The following CDC16 variants were observed in gnomAD, a reference collection of about 807,000 sequenced individuals.
CDC16 encodes the protein cell division cycle protein 16 homolog.
Under a neutral mutation model 87.0 loss-of-function variants are expected in CDC16, and 34 were observed. That is an observed-to-expected ratio of 0.39 (90% CI 0.30 to 0.52). The LOEUF is 0.52. Ranked by LOEUF, CDC16 falls within the 20% of genes least tolerant of loss-of-function variation. The pLI is 0.74. For missense variants in CDC16, 653 were observed against 751.9 expected (o/e 0.87, Z 1.54); for synonymous variants, 263 against 260.6 (o/e 1.01, Z -0.09).
intron 11 of CDC16, chr13:114,247,218 C>T: frequency 1.8e-6 from 1 of 545,314 alleles, no homozygotes; most frequent in Non-Finnish European, 3.3e-6. Context: ...CACTCTGTTG[C>T]CCAGACTAGA....
chr13:114,269,708 T>TTTATTA (rs202105746), intron 17 of CDC16, among the ~76,000 whole-genome samples: 3,703 of 152,236 alleles, frequency 0.024, 154 homozygotes, highest in African/African-American at 0.085. Flanking sequence ...TTTTTTATTT[T>TTTATTA]TTATTATTTT....
chr13:114,272,350 A>G lies in CDC16; in HGVS notation c.1770A>G (p.Pro590=). Residue 590 remains proline, a synonymous_variant, in exon 18 of 18, where the codon CCA becomes CCG. Transcript: ENST00000356221. ...LTPLETSRKT[P]DSRPSLEETF... is the part of the protein sequence containing the mutation. The stretch of plus-strand genomic sequence containing the variant: ...CATTGGAAACCTCAAGGAAAACTCC[A>G]GATTCCAGACCTTCCTTGGAAGAAA... The G allele has an allele frequency of 1.6e-5, 26 of 1,614,066 alleles. No individual in the cohort carries two copies. Among genetic ancestry groups the G allele is most frequent in the East Asian group, 2.2e-5 (1 of 44,890 alleles).
At chr13:114,254,060 CTA>C (rs1413805631) in intron 12 of CDC16, among the ~76,000 whole-genome samples, 1 of 152,100 alleles carries the variant, frequency 6.6e-6, no homozygotes, top group African/African-American at 2.4e-5. Flanking sequence ...CTAATTATCT[CTA>C]ATAATACTTT....
rs564311320 is a variant in CDC16 at position 114,272,677 on chromosome 13, G to A, written c.*234G>A. On this transcript the variant is annotated 3_prime_UTR_variant, in exon 18 of 18. Transcript: ENST00000356221. ...GTGGAATAAAGAAGGTAAACCATCTGTTATGTCTTTTTTTTTCTTTTCCAA... is the reference window on the plus strand; with the variant it reads ...GTGGAATAAAGAAGGTAAACCATCTATTATGTCTTTTTTTTTCTTTTCCAA... 2 of 381,830 alleles carry A rather than the reference G, an allele frequency of 5.2e-6. No individual in the cohort carries two copies. Among genetic ancestry groups the A allele is most frequent in the South Asian group, 8.3e-5 (1 of 12,112 alleles). 23.7% of individuals were successfully genotyped at this position (381,830 alleles called of 1,614,324 possible). A position where few individuals can be genotyped will look rare whatever the true frequency, so the allele number is the denominator to read the frequency against.
chr13:114,262,908 G>A lies in CDC16; in HGVS notation c.1406G>A (p.Arg469His), dbSNP rs771147903. 6 of 1,613,948 alleles carry A rather than the reference G, an allele frequency of 3.7e-6. No homozygotes were observed. The highest frequency in any genetic ancestry group is 1.3e-5 in the African/African-American group (1 of 74,916). The change falls in exon 16 of 18, where the codon CGT (arginine) becomes CAT (histidine). Residue 469 changes from arginine (R) to histidine (H), a missense_variant. Transcript: ENST00000356221. ...KKYAEALDYH[R>H]QALVLIPQNA... ...TATGCTGAGGCCTTGGATTACCACC[G>A]TCAGGCACTGGTGTTGATTCCTCAG...
At chr13:114,239,143 A>G (rs2138864626) in intron 4 of CDC16, 115 bp downstream of exon 4, 2 of 1,480,234 alleles carry the variant, frequency 1.4e-6, no homozygotes, top group East Asian at 2.3e-5. Flanking sequence ...AAAGTATTTC[A>G]TGAGGAAGTG....
intron 11 of CDC16, 41 bp from the exon 12 acceptor site, chr13:114,250,508 G>C: frequency 7.9e-7 from 1 of 1,267,134 alleles, no homozygotes; most frequent in East Asian, 2.8e-5. Context: ...AAAAAAAAAA[G>C]AATAAATACT....
intron 12 of CDC16, among the ~76,000 whole-genome samples, chr13:114,253,436 C>G (rs149182518): frequency 1.7e-4 from 26 of 152,062 alleles, no homozygotes; most frequent in Non-Finnish European, 2.9e-4. Context: ...CACCTGTAAT[C>G]CCAGCACTTT....
intron 1 of CDC16, among the ~76,000 whole-genome samples, chr13:114,236,144 C>T (rs1028030185): frequency 1.3e-5 from 2 of 152,168 alleles, no homozygotes; most frequent in Non-Finnish European, 2.9e-5. Flanking sequence ...GAGGTGAGTT[C>T]TTCCCCATGT....
At chr13:114,241,725 T>C (rs191814099) in intron 5 of CDC16, among the ~76,000 whole-genome samples, 1 of 152,338 alleles carries the variant, frequency 6.6e-6, no homozygotes, top group East Asian at 1.9e-4. Context: ...TAAAAACTTC[T>C]CAGCATTCAA....
intron 4 of CDC16, 54 bp downstream of exon 4, chr13:114,239,082 CATCTCTTAAATATGTGTGA>C (rs1407456596): frequency 1.3e-4 from 119 of 912,406 alleles, no homozygotes; most frequent in African/African-American, 1.7e-4. Context: ...GAGTGTTATG[CATCTCTTAAATATGTGTGA>C]GAATTTTAGT....
intron 5 of CDC16, among the ~76,000 whole-genome samples, chr13:114,241,575 G>A (rs1216537027): frequency 6.6e-6 from 1 of 152,236 alleles, no homozygotes; most frequent in Non-Finnish European, 1.5e-5. Context: ...GCCGTGACAT[G>A]TACTTTTGTT....
At chr13:114,265,262 T>A in intron 17 of CDC16, 22 bp downstream of exon 17, 1 of 1,453,634 alleles carries the variant, frequency 6.9e-7, no homozygotes, top group Non-Finnish European at 9.7e-7. Context: ...GTTATTCTTA[T>A]TGGTATTGTA....
chr13:114,268,765 A>G (rs1412724573), intron 17 of CDC16, among the ~76,000 whole-genome samples: 2 of 152,212 alleles, frequency 1.3e-5, no homozygotes, highest in Admixed American at 6.5e-5. Flanking sequence ...AGCTGCAGCG[A>G]TCACGCCACT....
At chr13:114,253,414 C>T (rs983832254) in intron 12 of CDC16, among the ~76,000 whole-genome samples, 3 of 151,660 alleles carry the variant, frequency 2.0e-5, no homozygotes, top group South Asian at 4.2e-4. Flanking sequence ...GCTGGCCGGG[C>T]GCAGTGGCTC....
chr13:114,256,602 C>G (rs151125714), intron 12 of CDC16, among the ~76,000 whole-genome samples: 443 of 152,320 alleles, frequency 2.9e-3, no homozygotes, highest in African/African-American at 6.5e-3. Context: ...TTATTCATAA[C>G]TCTTCTGCAT....
intron 5 of CDC16, among the ~76,000 whole-genome samples, chr13:114,239,892 A>G (rs1399365117): frequency 3.3e-5 from 5 of 152,192 alleles, no homozygotes; most frequent in Non-Finnish European, 5.9e-5. Flanking sequence ...GTACATTGCT[A>G]TGTAATTGTG....
In CDC16 at chr13:114,234,958, C is replaced by G. The variant is rs1443420013; in HGVS notation, c.-127C>G. 1.6e-6 allele frequency: 1 copy of G among 628,158 alleles called. No homozygotes were observed. The highest frequency in any genetic ancestry group is 4.5e-5 in the Admixed American group (1 of 22,330). The allele number at this position is 628,158 out of a possible 1,614,324, so 38.9% of individuals were successfully genotyped here. On this transcript the variant is annotated 5_prime_UTR_variant, in exon 1 of 18. Transcript: ENST00000356221. The stretch of plus-strand genomic sequence containing the variant: ...TGGGGACCTGCGGCCTTCGAGTCCG[C>G]GGCCTTCGAGTCCTGGGGCGGCGGC...
chr13:114,267,659 G>A (rs1396180407), intron 17 of CDC16, among the ~76,000 whole-genome samples: 2 of 151,920 alleles, frequency 1.3e-5, no homozygotes, highest in Non-Finnish European at 1.5e-5. Flanking sequence ...TTTCTTTAAA[G>A]CAGTCACTAA....
Sources: gnomAD v4.1 joint callset for allele counts (sites outside exome capture counted in the v4.1 genomes callset) on GRCh38, gnomAD v4.1.1 for gene constraint, MANE v1.5 for transcripts, NCBI Gene and HGNC (gene_info 2026-07-23, HGNC 2026-07-21) for gene names.